Variants in EPB41L4A observed in about 807,000 individuals in gnomAD.
The protein encoded by EPB41L4A is erythrocyte membrane protein band 4.1 like 4A.
A neutral mutation model predicts 108.6 loss-of-function variants in EPB41L4A; 100 were observed. The ratio of observed to expected loss-of-function variants is 0.92; its 90% confidence interval spans 0.78 to 1.09. The LOEUF (loss-of-function observed/expected upper bound fraction) is 1.09. EPB41L4A is among the 50% of genes least tolerant of loss of function. The pLI, the probability that EPB41L4A is intolerant of heterozygous loss-of-function variation, is 0.00. For synonymous variants in EPB41L4A, 319 were observed against 289.0 expected (o/e 1.10, Z -1.05); for missense variants, 1,030 against 842.7 (o/e 1.22, Z -2.75).
At chr5:112,220,117 C>T (rs1366572930) in intron 12 of EPB41L4A, among the ~76,000 whole-genome samples, 1 of 152,144 alleles carries the variant, frequency 6.6e-6, no homozygotes, top group Non-Finnish European at 1.5e-5. Flanking sequence ...CAAGTCTATT[C>T]CTACTTTTAT....
intron 2 of EPB41L4A, among the ~76,000 whole-genome samples, chr5:112,282,635 G>C (rs1425123665): frequency 6.6e-6 from 1 of 152,188 alleles, no homozygotes; most frequent in African/African-American, 2.4e-5. Flanking sequence ...GCTTATGGAT[G>C]CGTTATTAGA....
At position 112,146,285 on chromosome 5, in the gene EPB41L4A, C is replaced by T. The variant is rs866497458; in HGVS notation, n.995-287G>A. ...CAATTTCAAGTTCAGAAATATAACT[C>T]ACCCATTTGACAGACTTCAGATCTC... On this transcript the variant is annotated intron_variant and non_coding_transcript_variant, in intron 12 of 13. Coordinates refer to the EPB41L4A transcript ENST00000507810. Among the ~76,000 whole-genome samples, 16 of 152,338 alleles carry T rather than the reference C, an allele frequency of 1.1e-4. No individual in the cohort carries two copies. The South Asian group carries it at 2.5e-3, about 24-fold the overall frequency.
At chr5:112,386,624 G>A (rs1003543118) in intron 1 of EPB41L4A, among the ~76,000 whole-genome samples, 1 of 152,106 alleles carries the variant, frequency 6.6e-6, no homozygotes, top group Non-Finnish European at 1.5e-5. Flanking sequence ...CTAACTTCAG[G>A]ACAGACTATA....
At chr5:112,183,783 A>G (rs1300215369) in intron 18 of EPB41L4A, among the ~76,000 whole-genome samples, 1 of 152,196 alleles carries the variant, frequency 6.6e-6, no homozygotes, top group Non-Finnish European at 1.5e-5. Flanking sequence ...AAACAACACA[A>G]AACAAAAATA....
intron 11 of EPB41L4A, among the ~76,000 whole-genome samples, chr5:112,235,560 G>A (rs1226553723): frequency 6.6e-6 from 1 of 152,102 alleles, no homozygotes; most frequent in Non-Finnish European, 1.5e-5. Flanking sequence ...CCATCTATGG[G>A]AGGAAAAAAG....
chr5:112,328,445 C>T (rs912909392), intron 1 of EPB41L4A, among the ~76,000 whole-genome samples: 1 of 152,066 alleles, frequency 6.6e-6, no homozygotes, highest in Non-Finnish European at 1.5e-5. Flanking sequence ...ATCTGATAAC[C>T]ACTTTTCCAT....
chr5:112,331,607 G>A (rs1430905740), intron 1 of EPB41L4A, among the ~76,000 whole-genome samples: 1 of 152,184 alleles, frequency 6.6e-6, no homozygotes, highest in African/African-American at 2.4e-5. Flanking sequence ...CCTGGTGAAG[G>A]CTGCCCAAGC....
At chr5:112,205,589 T>G in intron 13 of EPB41L4A, 85 bp from the exon 14 acceptor site, 2 of 1,046,244 alleles carry the variant, frequency 1.9e-6, no homozygotes, top group Non-Finnish European at 2.8e-6. Context: ...GTAAAACTTT[T>G]TAACAAATGT....
At chr5:112,203,667 G>A (rs1025144669) in intron 15 of EPB41L4A, among the ~76,000 whole-genome samples, 7 of 152,074 alleles carry the variant, frequency 4.6e-5, no homozygotes, top group African/African-American at 9.7e-5. Flanking sequence ...TTTAAAAGGC[G>A]TTTTTCAGCT....
intron 1 of EPB41L4A, among the ~76,000 whole-genome samples, chr5:112,310,490 C>T (rs567519674): frequency 1.3e-5 from 2 of 152,180 alleles, no homozygotes; most frequent in Non-Finnish European, 2.9e-5. Flanking sequence ...TAAAATTTCA[C>T]CACTAAGTAT....
intron 12 of EPB41L4A, among the ~76,000 whole-genome samples, chr5:112,219,646 C>T (rs114600824): frequency 2.0e-3 from 299 of 152,196 alleles, no homozygotes; most frequent in African/African-American, 6.9e-3. Context: ...TATATTAGTA[C>T]ACCATACTAA....
chr5:112,405,438 T>C (rs780602491), intron 1 of EPB41L4A, among the ~76,000 whole-genome samples: 1 of 152,228 alleles, frequency 6.6e-6, no homozygotes, highest in Non-Finnish European at 1.5e-5. Flanking sequence ...TGCTAAGTTT[T>C]GTCCATAATT....
intron 12 of EPB41L4A, among the ~76,000 whole-genome samples, chr5:112,154,931 C>A (rs550380273): frequency 4.6e-5 from 7 of 152,238 alleles, no homozygotes; most frequent in African/African-American, 1.7e-4. Context: ...GGAACAACTT[C>A]CTAACAACAA....
At chr5:112,339,519 GATATATATCTATATATATAT>G (rs2150693551) in intron 1 of EPB41L4A, among the ~76,000 whole-genome samples, 1 of 116,888 alleles carries the variant, frequency 8.6e-6, no homozygotes, top group African/African-American at 3.7e-5. Context: ...TAGATATATA[GATATATATCTATATATATAT>G]ATATTTTTTT....
intron 3 of EPB41L4A, among the ~76,000 whole-genome samples, chr5:112,277,214 T>C (rs1752680025): frequency 6.6e-6 from 1 of 152,190 alleles, no homozygotes; most frequent in South Asian, 2.1e-4. Flanking sequence ...GGAGCACAGA[T>C]GCTGCTGAGA....
chr5:112,175,000 C>G (rs946663334), intron 18 of EPB41L4A, among the ~76,000 whole-genome samples: 4 of 152,156 alleles, frequency 2.6e-5, no homozygotes, highest in African/African-American at 9.7e-5. Context: ...AGATGAACAA[C>G]CTAGCTGCTG....
intron 9 of EPB41L4A, among the ~76,000 whole-genome samples, chr5:112,250,929 T>C (rs1024071645): frequency 1.3e-5 from 2 of 152,200 alleles, no homozygotes; most frequent in African/African-American, 4.8e-5. Flanking sequence ...AAGGATATTA[T>C]CATCCTCACT....
intron 12 of EPB41L4A, among the ~76,000 whole-genome samples, chr5:112,215,490 C>T (rs543532237): frequency 8.5e-5 from 13 of 152,258 alleles, no homozygotes; most frequent in South Asian, 6.2e-4. Flanking sequence ...TGCTCGGGCG[C>T]GGTGGCTCAC....
intron 1 of EPB41L4A, among the ~76,000 whole-genome samples, chr5:112,412,158 G>A (rs1207004532): frequency 1.3e-5 from 2 of 152,128 alleles, no homozygotes; most frequent in Admixed American, 6.5e-5. Context: ...TGACCTTTTG[G>A]TTATTGTCTG....
Sources: allele counts gnomAD v4.1 joint callset (sites outside exome capture counted in the v4.1 genomes callset), GRCh38; gene constraint gnomAD v4.1.1; transcripts MANE v1.5; gene names NCBI Gene and HGNC (gene_info 2026-07-23, HGNC 2026-07-21).